The following ZNF469 variants were observed in gnomAD, a reference collection of about 807,000 sequenced individuals.
The protein encoded by ZNF469 is zinc finger protein 469.
ZNF469 carries 1 observed loss-of-function variant against 1.0 expected under a neutral mutation model. The observed-to-expected ratio is 1.00, with a 90% CI of 0.35 to 4.73. ZNF469 has a LOEUF of 4.73. ZNF469 is among the 30% of genes most tolerant of loss of function. The probability of loss-of-function intolerance (pLI) is 0.16; values close to 1 mark genes in which losing one functional copy is unlikely to be tolerated. For synonymous variants in ZNF469, 2,703 were observed against 2,363.4 expected (o/e 1.14, Z -4.17); for missense variants, 6,100 against 5,356.3 (o/e 1.14, Z -4.33).
chr16:88,435,758 C>G lies in ZNF469; in HGVS notation c.8288C>G (p.Ala2763Gly). ...TTCTGGGGACCAAGAGAGACCAAGG[C>G]GTTGGGTGTGTGCAAAGAGTCTGGG... ...RGFWGPRETK[A>G]LGVCKESGSE... Residue 2763 changes from alanine to glycine, a missense_variant, in exon 3 of 3, where the codon GCG becomes GGG. By Grantham distance (60) the Ala-to-Gly change is moderately conservative. Transcript: ENST00000565624. 1.3e-6 allele frequency: 2 copies of G among 1,550,744 alleles called. No homozygotes were observed. The highest frequency in any genetic ancestry group is 1.4e-5 in the African/African-American group (1 of 73,166).
At chr16:88,261,984 C>T in the ZNF469 span, among the ~76,000 whole-genome samples, 1 of 152,192 alleles carries the variant, frequency 6.6e-6, no homozygotes, top group Non-Finnish European at 1.5e-5. This position sits in a 1 kb window ranked among gnomAD's most constrained non-coding sequence, Gnocchi z 6.0. Flanking sequence ...AAGCTCCGGC[C>T]TCCTCTCCCT....
chr16:88,202,124 G>T, the ZNF469 span, among the ~76,000 whole-genome samples: 32,017 of 152,098 alleles, frequency 0.21, 3,817 homozygotes, highest in East Asian at 0.31. Context: ...CAGGTTCAGC[G>T]TCTGTGGTGT....
the ZNF469 span, among the ~76,000 whole-genome samples, chr16:88,322,648 G>A: frequency 5.9e-5 from 9 of 152,202 alleles, no homozygotes; most frequent in African/African-American, 1.4e-4. Context: ...TGTGGGACCC[G>A]AGCGACCCCT....
the ZNF469 span, among the ~76,000 whole-genome samples, chr16:88,137,959 G>A: frequency 6.6e-6 from 1 of 152,148 alleles, no homozygotes; most frequent in Non-Finnish European, 1.5e-5. Flanking sequence ...AGACGATAGA[G>A]CCGGGTTAAA....
the ZNF469 span, among the ~76,000 whole-genome samples, chr16:88,247,588 C>A: frequency 5.4e-5 from 7 of 130,018 alleles, no homozygotes; most frequent in Admixed American, 4.8e-4. Flanking sequence ...GAGTGAATGA[C>A]TGAGTGAACG....
the ZNF469 span, among the ~76,000 whole-genome samples, chr16:88,227,463 C>T: frequency 6.7e-3 from 1,023 of 152,028 alleles, 19 homozygotes; most frequent in African/African-American, 0.023. Flanking sequence ...TCAGCTTCTC[C>T]CTGTCTCCCC....
chr16:88,303,964 C>T, the ZNF469 span, among the ~76,000 whole-genome samples: 1 of 152,218 alleles, frequency 6.6e-6, no homozygotes, highest in African/African-American at 2.4e-5. Context: ...GCTGCTCCTG[C>T]TTCCTCTTGA....
the ZNF469 span, among the ~76,000 whole-genome samples, chr16:88,365,250 CTCCCAACA>C: frequency 1.3e-5 from 2 of 152,230 alleles, no homozygotes; most frequent in Admixed American, 6.5e-5. Context: ...TTGTGTTCAA[CTCCCAACA>C]TCCAGCCTTT....
chr16:88,112,151 C>T, the ZNF469 span, among the ~76,000 whole-genome samples: 3 of 151,974 alleles, frequency 2.0e-5, no homozygotes, highest in African/African-American at 7.3e-5. Flanking sequence ...TAAACACAGG[C>T]GTGCCGGCCA....
the ZNF469 span, among the ~76,000 whole-genome samples, chr16:88,129,247 C>T: frequency 6.6e-6 from 1 of 152,178 alleles, no homozygotes; most frequent in African/African-American, 2.4e-5. Context: ...TCAGGCTCCT[C>T]ATCTTAAAGT....
In ZNF469 at chr16:88,435,170, C is replaced by A. The variant is rs1243456194; in HGVS notation, c.7700C>A (p.Ser2567Tyr). 1.3e-6 allele frequency: 2 copies of A among 1,550,230 alleles called. No individual in the cohort carries two copies. The highest frequency in any genetic ancestry group is 1.7e-4 in the Middle Eastern group (1 of 6,014). The change falls in exon 3 of 3, where the codon TCC becomes TAC. Residue 2567 changes from serine to tyrosine, a missense_variant. Ser to Tyr is a moderately radical substitution (Grantham distance 144, BLOSUM62 -2). Coordinates refer to ENST00000565624, the MANE Select transcript of ZNF469 (RefSeq NM_001367624.2). Reference protein sequence around the residue: ...GSKEVLRAPGSPHSQQLHPPS... With the variant: ...GSKEVLRAPGYPHSQQLHPPS... ...AAGGAGGTTCTCAGAGCACCGGGGTCCCCACACAGCCAGCAGCTGCACCCT... is the reference window on the plus strand; with the variant it reads ...AAGGAGGTTCTCAGAGCACCGGGGTACCCACACAGCCAGCAGCTGCACCCT...
At chr16:88,421,206 G>A (rs1360545333) in intron 1 of ZNF469, among the ~76,000 whole-genome samples, 3 of 152,204 alleles carry the variant, frequency 2.0e-5, no homozygotes, top group Admixed American at 2.0e-4. Flanking sequence ...TCAGGCACTG[G>A]CATTCCCCCA....
the ZNF469 span, among the ~76,000 whole-genome samples, chr16:88,298,904 A>C: frequency 6.6e-6 from 1 of 152,186 alleles, no homozygotes; most frequent in Non-Finnish European, 1.5e-5. Flanking sequence ...CTTCTGTGTA[A>C]AATCCCCTCA....
At chr16:88,336,348 C>A in the ZNF469 span, among the ~76,000 whole-genome samples, 1,831 of 151,218 alleles carry the variant, frequency 0.012, 13 homozygotes, top group African/African-American at 0.042. Context: ...CAACACCACA[C>A]ATGTTCATCC....
chr16:88,360,347 A>T, the ZNF469 span, among the ~76,000 whole-genome samples: 6 of 152,164 alleles, frequency 3.9e-5, no homozygotes, highest in Non-Finnish European at 2.9e-5. Context: ...TGAACTTTAC[A>T]TGCAACGAAA....
the ZNF469 span, among the ~76,000 whole-genome samples, chr16:88,237,572 G>T: frequency 0.019 from 476 of 24,702 alleles, 3 homozygotes; most frequent in East Asian, 0.065. Context: ...CCTGCCCTCC[G>T]TGCTCCTGCC....
chr16:88,386,148 C>G (rs1440745895), intron 1 of ZNF469, among the ~76,000 whole-genome samples: 1 of 152,196 alleles, frequency 6.6e-6, no homozygotes, highest in South Asian at 2.1e-4. Flanking sequence ...CATTTTCCCT[C>G]CTGGCCAGCC....
the ZNF469 span, among the ~76,000 whole-genome samples, chr16:88,141,135 C>T: frequency 1.7e-3 from 252 of 152,182 alleles, 1 homozygote; most frequent in African/African-American, 5.8e-3. Flanking sequence ...CAGATAAATC[C>T]GCTAAATTGC....
the ZNF469 span, among the ~76,000 whole-genome samples, chr16:88,315,682 G>C: frequency 6.6e-6 from 1 of 152,288 alleles, no homozygotes; most frequent in East Asian, 1.9e-4. Context: ...TGCAGAAGGT[G>C]GGGGAGGGAG....
Sources: allele counts gnomAD v4.1 joint callset (sites outside exome capture counted in the v4.1 genomes callset), GRCh38; gene constraint gnomAD v4.1.1; non-coding constraint Gnocchi (gnomAD v3.1); transcripts MANE v1.5; gene names NCBI Gene and HGNC (gene_info 2026-07-23, HGNC 2026-07-21).